The following ZNF239 variants were observed in gnomAD, a reference collection of about 807,000 sequenced individuals.
ZNF239 encodes the protein zinc finger protein 239.
In ZNF239, 16 loss-of-function variants were observed where a neutral mutation model predicts 27.5. The observed-to-expected ratio is 0.58, with a 90% CI of 0.39 to 0.88. ZNF239 has a LOEUF of 0.88. Among genes scored for constraint, ZNF239 ranks in the 40% least tolerant of loss-of-function variants. ZNF239 has a pLI of 0.00. For missense variants in ZNF239, 527 were observed against 551.9 expected, an observed-to-expected ratio of 0.95 and a Z score of 0.45; for synonymous variants, 199 against 192.6, an observed-to-expected ratio of 1.03 and a Z score of -0.27.
chr10:43,559,492 T>A (rs547228064), intron 3 of ZNF239, among the ~76,000 whole-genome samples: 1 of 151,994 alleles, frequency 6.6e-6, no homozygotes, highest in African/African-American at 2.4e-5. Flanking sequence ...TATAATCAGA[T>A]AGGAAATGCA....
chr10:43,569,948 GT>G (rs1054372684), intron 2 of ZNF239, among the ~76,000 whole-genome samples: 2 of 151,606 alleles, frequency 1.3e-5, no homozygotes, highest in African/African-American at 4.8e-5. Context: ...TGAAGAACCA[GT>G]TTTTTTTTGT....
chr10:43,572,912 A>G (rs1174758546), intron 2 of ZNF239, among the ~76,000 whole-genome samples: 1 of 152,228 alleles, frequency 6.6e-6, no homozygotes, highest in African/African-American at 2.4e-5. Context: ...AGTATAAAGG[A>G]TGAATAACTC....
Position 43,556,895 on chromosome 10 carries a change from T to A in ZNF239, c.1185A>T (p.Arg395Ser). 1 of 1,613,616 alleles carries A rather than the reference T, an allele frequency of 6.2e-7. No homozygotes were observed. Among genetic ancestry groups the A allele is most frequent in the South Asian group, 1.1e-5 (1 of 91,054 alleles). The change falls in exon 4 of 4, where the codon AGA becomes AGT. Residue 395 changes from arginine (R) to serine (S), a missense_variant. Physicochemically the swap from Arg to Ser is moderately radical, Grantham distance 110. Coordinates refer to ENST00000374446, the MANE Select transcript of ZNF239 (RefSeq NM_001099282.2). ...SQSSDLRIHL[R>S]VHTGEKPYHC... ...GATAGGGCTTCTCTCCAGTGTGGACTCTGAGATGGATGCGAAGATCCGAGC... is the reference window on the plus strand; with the variant it reads ...GATAGGGCTTCTCTCCAGTGTGGACACTGAGATGGATGCGAAGATCCGAGC...
At chr10:43,558,199 A>G in intron 3 of ZNF239, 28 bp from the exon 4 acceptor site, 1 of 1,459,610 alleles carries the variant, frequency 6.9e-7, no homozygotes, top group South Asian at 1.5e-5. Context: ...TTCAGTGGTA[A>G]GAACAAAGGG....
Position 43,557,677 on chromosome 10 carries a change from C to T in ZNF239, c.403G>A (p.Glu135Lys). 1 of 1,614,162 alleles carries T rather than the reference C, an allele frequency of 6.2e-7. No individual in the cohort carries two copies. Among genetic ancestry groups the T allele is most frequent in the Admixed American group, 1.7e-5 (1 of 60,018 alleles). Residue 135 changes from glutamate (E) to lysine (K), a missense_variant, in exon 4 of 4, where the codon GAG (glutamate) becomes AAG (lysine). Glu to Lys is a moderately conservative substitution (Grantham distance 56, BLOSUM62 1). Transcript: ENST00000374446. The stretch of plus-strand genomic sequence containing the variant: ...AACTGGCCATTCTGGCAAGTTGCCT[C>T]ACCATTTAACAATGGCGAGGCCAGT... ...QELASPLLNG[E>K]ATCQNGQLKE... is the part of the protein sequence containing the mutation.
At chr10:43,561,826 A>G (rs1837272496) in intron 3 of ZNF239, among the ~76,000 whole-genome samples, 1 of 152,198 alleles carries the variant, frequency 6.6e-6, no homozygotes, top group South Asian at 2.1e-4. Context: ...TACAAAATAC[A>G]AAACAAAAAC....
In ZNF239 at chr10:43,557,280, T is replaced by C. The variant is rs149602031; in HGVS notation, c.800A>G (p.Lys267Arg). ...HTDEKPYKCD[K>R]CGKGFTRSSS... The stretch of plus-strand genomic sequence containing the variant: ...GCTCCTGGTGAAGCCCTTCCCACAC[T>C]TGTCACACTTATAAGGCTTCTCATC... Residue 267 changes from lysine (K) to arginine (R), a missense_variant, in exon 4 of 4, where the codon AAG becomes AGG. Lys to Arg is a conservative substitution (Grantham distance 26). Transcript: ENST00000374446. 69 of 1,614,160 alleles carry C rather than the reference T, an allele frequency of 4.3e-5. No homozygotes were observed. The East Asian group carries it at 1.2e-3, about 29-fold the overall frequency.
chr10:43,566,874 T>C (rs1280695801), intron 3 of ZNF239, among the ~76,000 whole-genome samples: 1 of 152,228 alleles, frequency 6.6e-6, no homozygotes, highest in Non-Finnish European at 1.5e-5. Context: ...AGACTAGATA[T>C]CTAAAAAATG....
chr10:43,562,056 C>A (rs1837296958), intron 3 of ZNF239, among the ~76,000 whole-genome samples: 1 of 152,160 alleles, frequency 6.6e-6, no homozygotes, highest in Non-Finnish European at 1.5e-5. Context: ...TGTAAGCATT[C>A]ATCACTGACA....
At chr10:43,571,102 C>A (rs1838004423) in intron 2 of ZNF239, 1 of 775,196 alleles carries the variant, frequency 1.3e-6, no homozygotes. Context: ...CTCCTGCTTA[C>A]AGTTGGGAGA....
chr10:43,568,494 A>T (rs1289973375), intron 2 of ZNF239: 1 of 975,374 alleles, frequency 1.0e-6, no homozygotes, highest in African/African-American at 1.8e-5. Flanking sequence ...TTAAAATATG[A>T]ATCTCTCTAA....
intron 2 of ZNF239, among the ~76,000 whole-genome samples, chr10:43,573,434 T>C (rs1838158540): frequency 6.6e-6 from 1 of 152,342 alleles, no homozygotes; most frequent in Admixed American, 6.5e-5. Flanking sequence ...GAATAAATTC[T>C]TGGAGGCAGG....
chr10:43,564,223 GCATTC>G (rs1837477657), intron 3 of ZNF239: 1 of 899,392 alleles, frequency 1.1e-6, no homozygotes, highest in African/African-American at 1.8e-5. Flanking sequence ...TACACAACCC[GCATTC>G]CATCACGTCT....
chr10:43,559,522 G>A (rs1044352295), intron 3 of ZNF239, among the ~76,000 whole-genome samples: 3 of 152,190 alleles, frequency 2.0e-5, no homozygotes, highest in Non-Finnish European at 4.4e-5. Flanking sequence ...GGCTGAAGTA[G>A]GGAAGGCAGC....
At chr10:43,570,522 A>G (rs575376651) in intron 2 of ZNF239, 3 of 983,964 alleles carry the variant, frequency 3.0e-6, no homozygotes, top group African/African-American at 3.5e-5. Flanking sequence ...CCCTTCTTCT[A>G]TCTTCAGAGA....
rs571329312 is a variant in ZNF239 at position 43,561,979 on chromosome 10, A to G, written c.-92-3808T>C. Among the ~76,000 whole-genome samples the G allele has an allele frequency of 2.0e-5, 3 of 152,356 alleles. No individual in the cohort carries two copies. The South Asian group carries it at 6.2e-4, about 32-fold the overall frequency. ...CTTCAGAGGAAAAATAAAAAAATTA[A>G]AAAGAACTATAATCATACTGTACTA... On this transcript the variant is annotated intron_variant, in intron 3 of 3. Transcript: ENST00000374446.
intron 3 of ZNF239, among the ~76,000 whole-genome samples, chr10:43,561,929 T>C (rs537457036): frequency 7.9e-5 from 12 of 152,150 alleles, no homozygotes; most frequent in Non-Finnish European, 1.3e-4. Flanking sequence ...CCAAATAAAA[T>C]ATATTTTTAA....
intron 2 of ZNF239, among the ~76,000 whole-genome samples, chr10:43,571,968 AAAGATG>A (rs1479246419): frequency 1.3e-5 from 2 of 152,204 alleles, no homozygotes; most frequent in Admixed American, 6.5e-5. Context: ...AAGAAAACAT[AAAGATG>A]GTCAAGCCCA....
chr10:43,570,300 A>C, intron 2 of ZNF239: 1 of 985,374 alleles, frequency 1.0e-6, no homozygotes, highest in Non-Finnish European at 1.2e-6. Flanking sequence ...AGGAGGCTCA[A>C]GCCCCGGAGT....
Sources: allele counts gnomAD v4.1 joint callset (sites outside exome capture counted in the v4.1 genomes callset), GRCh38; gene constraint gnomAD v4.1.1; transcripts MANE v1.5; gene names NCBI Gene and HGNC (gene_info 2026-07-23, HGNC 2026-07-21).